RAD51B: variants seen among roughly 807,000 people sequenced by gnomAD.
The protein encoded by RAD51B is RAD51 paralog B, also known as DNA repair protein RAD51 homolog 2.
A neutral mutation model predicts 42.2 loss-of-function variants in RAD51B; 38 were observed. That is an observed-to-expected ratio of 0.90 (90% CI 0.70 to 1.18). The LOEUF (loss-of-function observed/expected upper bound fraction) is 1.18, where lower values mean the gene tolerates loss of function less well. Among genes scored for constraint, RAD51B ranks in the 50% most tolerant of loss-of-function variants. The pLI is 0.00. For synonymous variants in RAD51B, 154 were observed against 145.2 expected (o/e 1.06, Z -0.43); for missense variants, 373 against 400.7 (o/e 0.93, Z 0.59).
At chr14:68,615,117 C>T (rs781349941), downstream of RAD51B, among the ~76,000 whole-genome samples, 6 of 152,152 alleles carry the variant, frequency 3.9e-5, no homozygotes, top group South Asian at 2.1e-4. Flanking sequence ...GTGATCCACC[C>T]GCCTTGGCCT....
rs1211954511 is a variant in RAD51B, at chr14:68,648,047, ATAGATGTGTGTGTG to A, written c.1037-2731_1037-2718del. On this transcript the variant is annotated intron_variant, in intron 10 of 11. Coordinates refer to the RAD51B transcript ENST00000488612. ...CGTATATATATATATACACACGTAT[ATAGATGTGTGTGTG>A]TATATATATATACACGTATATATAC... is the stretch of plus-strand genomic sequence containing the variant. Among the ~76,000 whole-genome samples, 124 of 138,650 alleles carry A rather than the reference ATAGATGTGTGTGTG, an allele frequency of 8.9e-4. 2 individuals are homozygous for A. The highest frequency in any genetic ancestry group is 3.0e-3 in the African/African-American group (113 of 37,078). The allele number at this position is 138,650 out of a possible 152,430, so 91.0% of individuals were successfully genotyped here.
chr14:67,980,274 G>T (rs1013243165), intron 7 of RAD51B, among the ~76,000 whole-genome samples: 2 of 152,046 alleles, frequency 1.3e-5, no homozygotes, highest in African/African-American at 4.8e-5. Flanking sequence ...GCAAATCCCT[G>T]TCTCTACTAA....
intron 11 of RAD51B, among the ~76,000 whole-genome samples, chr14:68,677,085 A>C (rs2140160336): frequency 6.6e-6 from 1 of 152,220 alleles, no homozygotes; most frequent in East Asian, 1.9e-4. Context: ...CTCAAAATTA[A>C]AGCTGGAAAA....
intron 7 of RAD51B, among the ~76,000 whole-genome samples, chr14:67,968,360 TCTC>T (rs752367870): frequency 6.6e-6 from 1 of 152,142 alleles, no homozygotes. Flanking sequence ...AGCTTGAACT[TCTC>T]CTCAAAAAAT....
chr14:68,392,351 G>T (rs2083782298), intron 8 of RAD51B, among the ~76,000 whole-genome samples: 1 of 152,104 alleles, frequency 6.6e-6, no homozygotes, highest in Non-Finnish European at 1.5e-5. Flanking sequence ...AATGTAGGGG[G>T]TGCCCTGGTG....
intron 11 of RAD51B, among the ~76,000 whole-genome samples, chr14:68,676,859 A>G (rs1347795299): frequency 2.0e-5 from 3 of 152,242 alleles, no homozygotes; most frequent in South Asian, 2.1e-4. Flanking sequence ...GTGTCTCCAC[A>G]TGCAGGCAGG....
chr14:68,398,469 A>G (rs1321242734), intron 8 of RAD51B, among the ~76,000 whole-genome samples: 1 of 152,158 alleles, frequency 6.6e-6, no homozygotes, highest in East Asian at 1.9e-4. Flanking sequence ...CAGGTCAAGG[A>G]GCAAGACTGA....
At chr14:68,675,112 C>CT (rs1407739042) in intron 11 of RAD51B, among the ~76,000 whole-genome samples, 1 of 152,156 alleles carries the variant, frequency 6.6e-6, no homozygotes, top group Non-Finnish European at 1.5e-5. Context: ...TCTGCCCAGC[C>CT]TGGAGGAGAA....
At chr14:68,473,381 C>T (rs914262752) in intron 10 of RAD51B, among the ~76,000 whole-genome samples, 1 of 152,192 alleles carries the variant, frequency 6.6e-6, no homozygotes, top group African/African-American at 2.4e-5. Context: ...AAGGCGCTCT[C>T]CTTTGCTGCT....
rs114875718 is a variant in RAD51B at position 68,033,099 on chromosome 14, C to G, written c.756+145895C>G. ...ACATTTTACAGTTCCTTATCTCCCC[C>G]CAAGATTCCAGAAGGCAGGAGCCAT... On this transcript the variant is annotated intron_variant, in intron 7 of 10. Coordinates refer to ENST00000471583, the MANE Select transcript of RAD51B (RefSeq NM_133510.4). Among the ~76,000 whole-genome samples, 1,092 of 152,278 alleles carry G rather than the reference C, an allele frequency of 7.2e-3. 13 individuals carry two copies. The highest frequency in any genetic ancestry group is 0.025 in the African/African-American group (1,027 of 41,558).
chr14:68,121,348 G>T (rs1317624360), intron 7 of RAD51B, among the ~76,000 whole-genome samples: 1 of 152,138 alleles, frequency 6.6e-6, no homozygotes. Context: ...AGAAATTGTA[G>T]TAGACATGTT....
chr14:68,565,910 G>A lies in RAD51B; in HGVS notation c.1037-28575G>A, dbSNP rs941097493. 6.6e-6 allele frequency among the ~76,000 whole-genome samples: 1 copy of A among 152,154 alleles called. No individual in the cohort carries two copies. The highest frequency in any genetic ancestry group is 2.4e-5 in the African/African-American group (1 of 41,438). The stretch of plus-strand genomic sequence containing the variant: ...TGTCTGGCCACTCTCATCCCCGCCG[G>A]GCTCCAATGTGGCCACAAGCCACTC... On this transcript the variant is annotated intron_variant, in intron 10 of 10. Transcript: ENST00000487270. The surrounding 1 kb of genome is among the most constrained non-coding windows in gnomAD (Gnocchi z 4.1).
At chr14:68,171,342 A>G (rs896948296) in intron 7 of RAD51B, among the ~76,000 whole-genome samples, 1 of 152,116 alleles carries the variant, frequency 6.6e-6, no homozygotes, top group African/African-American at 2.4e-5. Flanking sequence ...CCTGTTGCCC[A>G]GTCTGGAGTG....
intron 7 of RAD51B, among the ~76,000 whole-genome samples, chr14:68,169,707 G>C (rs532099689): frequency 7.9e-5 from 12 of 152,162 alleles, no homozygotes; most frequent in African/African-American, 2.4e-4. Context: ...TTCATGGAAG[G>C]GTGGGTTCTT....
chr14:68,582,707 T>C (rs1385104937), intron 10 of RAD51B, among the ~76,000 whole-genome samples: 3 of 152,212 alleles, frequency 2.0e-5, no homozygotes, highest in Non-Finnish European at 4.4e-5. Flanking sequence ...TGCACACGTA[T>C]GTTTATTGTG....
intron 7 of RAD51B, among the ~76,000 whole-genome samples, chr14:67,900,031 T>C (rs1339363572): frequency 2.6e-5 from 4 of 152,222 alleles, no homozygotes; most frequent in Non-Finnish European, 5.9e-5. Flanking sequence ...TCAATACTTA[T>C]TGTTTCCTCT....
At chr14:68,009,058 C>G (rs1164241536) in intron 7 of RAD51B, among the ~76,000 whole-genome samples, 1 of 151,836 alleles carries the variant, frequency 6.6e-6, no homozygotes, top group Non-Finnish European at 1.5e-5. Context: ...ATGGGATTTC[C>G]CTAAATAAGA....
intron 7 of RAD51B, among the ~76,000 whole-genome samples, chr14:68,240,240 A>G (rs1372495990): frequency 1.3e-5 from 2 of 152,116 alleles, no homozygotes; most frequent in African/African-American, 2.4e-5. Context: ...TGTGTGTAAT[A>G]AGTGCGATGA....
chr14:67,946,071 T>C (rs1346965246), intron 7 of RAD51B, among the ~76,000 whole-genome samples: 3 of 152,190 alleles, frequency 2.0e-5, no homozygotes, highest in Non-Finnish European at 2.9e-5. Context: ...AACTGTAATC[T>C]TGAGATGTGG....
Sources: allele counts gnomAD v4.1 joint callset (sites outside exome capture counted in the v4.1 genomes callset), GRCh38; gene constraint gnomAD v4.1.1; non-coding constraint Gnocchi (gnomAD v3.1); transcripts MANE v1.5; gene names NCBI Gene and HGNC (gene_info 2026-07-23, HGNC 2026-07-21).